ARHGAP8: variants seen among roughly 807,000 people sequenced by gnomAD.
ARHGAP8 encodes rho GTPase-activating protein 8.
ARHGAP8 carries 62 observed loss-of-function variants against 46.1 expected under a neutral mutation model. The observed-to-expected ratio is 1.34, with a 90% CI of 1.10 to 1.66. The LOEUF is 1.66. Among genes scored for constraint, ARHGAP8 ranks in the 40% most tolerant of loss-of-function variants. The pLI is 0.00. For synonymous variants in ARHGAP8, 375 were observed against 243.1 expected, an observed-to-expected ratio of 1.54 and a Z score of -5.05; for missense variants, 923 against 568.4, an observed-to-expected ratio of 1.62 and a Z score of -6.34.
chr22:44,785,326 A>G (rs1000781581), intron 1 of ARHGAP8, among the ~76,000 whole-genome samples: 1 of 152,146 alleles, frequency 6.6e-6, no homozygotes, highest in East Asian at 1.9e-4. Context: ...TTAAGACAAC[A>G]GGTCACTGTC....
intron 3 of ARHGAP8, 66 bp from the exon 4 acceptor site, chr22:44,808,241 A>G: frequency 6.4e-7 from 1 of 1,568,148 alleles, no homozygotes; most frequent in Non-Finnish European, 8.7e-7. Context: ...CATTATAGGG[A>G]AAGCACGTTT....
At chr22:44,838,741 G>A (rs917206200) in intron 7 of ARHGAP8, among the ~76,000 whole-genome samples, 1 of 152,160 alleles carries the variant, frequency 6.6e-6, no homozygotes. Context: ...ATGGATGCAG[G>A]CTCTCCAGCT....
chr22:44,803,953 G>A (rs1928760373), intron 3 of ARHGAP8, among the ~76,000 whole-genome samples: 1 of 151,788 alleles, frequency 6.6e-6, no homozygotes, highest in Non-Finnish European at 1.5e-5. Context: ...TTAGATGGCT[G>A]TCACATGACC....
Position 44,848,109 on chromosome 22 carries a change from G to C in ARHGAP8, c.748+59G>C, listed in dbSNP as rs940627273. 6.9e-6 allele frequency: 11 copies of C among 1,591,768 alleles called. 1 individual carries two copies. The highest frequency in any genetic ancestry group is 1.7e-4 in the Middle Eastern group (1 of 6,034). On this transcript the variant is annotated intron_variant, in intron 9 of 11. Transcript: ENST00000356099. ...GCCTGGTCAGCGAGCACAGCGCTCC[G>C]GGGCCTCAGAGCGGAGGCAGGGAAG...
chr22:44,856,474 G>A (rs372035279), intron 10 of ARHGAP8, among the ~76,000 whole-genome samples: 8 of 151,900 alleles, frequency 5.3e-5, no homozygotes, highest in South Asian at 2.1e-4. Flanking sequence ...GGGTTTCACC[G>A]TGTTGGCCAG....
chr22:44,767,984 CTTTTTTTTTT>C (rs1167255172), intron 1 of ARHGAP8, among the ~76,000 whole-genome samples: 13 of 47,248 alleles, frequency 2.8e-4, no homozygotes, highest in African/African-American at 4.4e-4. Flanking sequence ...CGCATGATGT[CTTTTTTTTTT>C]TTTTTTTTTT....
intron 10 of ARHGAP8, among the ~76,000 whole-genome samples, chr22:44,857,229 C>G (rs2070252068): frequency 6.6e-6 from 1 of 151,796 alleles, no homozygotes; most frequent in Admixed American, 6.6e-5. Context: ...TGTGAGCCAC[C>G]ACGACCAGTC....
At chr22:44,860,059 C>A (rs1489097177) in intron 11 of ARHGAP8, among the ~76,000 whole-genome samples, 2 of 151,806 alleles carry the variant, frequency 1.3e-5, no homozygotes, top group African/African-American at 2.4e-5. Context: ...CCCCTGCCTG[C>A]TCCTGTACCT....
At chr22:44,775,360 G>C (rs186360033) in intron 1 of ARHGAP8, among the ~76,000 whole-genome samples, 9 of 152,288 alleles carry the variant, frequency 5.9e-5, no homozygotes, top group Admixed American at 5.2e-4. Context: ...CGGCCTCCTG[G>C]GTGGTAGCTT....
chr22:44,765,579 C>G (rs768890663), intron 1 of ARHGAP8, among the ~76,000 whole-genome samples: 10 of 152,258 alleles, frequency 6.6e-5, no homozygotes, highest in Non-Finnish European at 1.3e-4. Flanking sequence ...CTGTCCCCGG[C>G]TGGAAGCTGC....
chr22:44,849,839 A>C (rs2070050851), intron 10 of ARHGAP8: 1 of 152,212 alleles, frequency 6.6e-6, no homozygotes, highest in Admixed American at 6.5e-5. Flanking sequence ...GTATTCAAGA[A>C]TCACATTTGC....
chr22:44,846,668 C>T (rs941194457), intron 8 of ARHGAP8, among the ~76,000 whole-genome samples: 2 of 152,146 alleles, frequency 1.3e-5, no homozygotes, highest in Non-Finnish European at 2.9e-5. Flanking sequence ...CAATTCTGCC[C>T]CTCTCCCAGG....
intron 1 of ARHGAP8, among the ~76,000 whole-genome samples, chr22:44,771,337 C>T (rs1410280161): frequency 1.4e-5 from 2 of 146,904 alleles, no homozygotes; most frequent in Admixed American, 7.0e-5. Flanking sequence ...ACCTCTGGCT[C>T]CCTGGTTCAA....
intron 9 of ARHGAP8, among the ~76,000 whole-genome samples, chr22:44,848,513 G>C (rs1011203801): frequency 1.3e-5 from 2 of 152,230 alleles, no homozygotes; most frequent in Non-Finnish European, 2.9e-5. Context: ...ACTTGCCCTC[G>C]CTCCCACTCG....
intron 7 of ARHGAP8, among the ~76,000 whole-genome samples, chr22:44,832,058 T>G (rs928919396): frequency 6.6e-6 from 1 of 152,192 alleles, no homozygotes; most frequent in African/African-American, 2.4e-5. Context: ...GGTATTGCCA[T>G]CTTGAAAATA....
intron 7 of ARHGAP8, among the ~76,000 whole-genome samples, chr22:44,843,880 G>A (rs1024821011): frequency 2.6e-5 from 4 of 151,002 alleles, no homozygotes; most frequent in Non-Finnish European, 5.9e-5. Context: ...AAGTAGAATG[G>A]TATAATATCA....
chr22:44,801,224 A>G (rs1348826422), intron 2 of ARHGAP8, among the ~76,000 whole-genome samples: 3 of 89,188 alleles, frequency 3.4e-5, no homozygotes, highest in Admixed American at 1.2e-4. Context: ...CTCTCCCCGC[A>G]GCTGTCCATG....
intron 10 of ARHGAP8, among the ~76,000 whole-genome samples, chr22:44,858,401 C>G (rs961968597): frequency 1.4e-5 from 2 of 147,760 alleles, no homozygotes; most frequent in South Asian, 2.1e-4. Flanking sequence ...GAGTTTCACT[C>G]TTGTTGCCCA....
chr22:44,838,317 TAGTAGAGAC>T (rs750349652), intron 7 of ARHGAP8, among the ~76,000 whole-genome samples: 2 of 152,182 alleles, frequency 1.3e-5, no homozygotes, highest in Admixed American at 1.3e-4. Flanking sequence ...TTTGCATTTT[TAGTAGAGAC>T]AGGGTTTCAC....
Sources: allele counts gnomAD v4.1 joint callset (sites outside exome capture counted in the v4.1 genomes callset), GRCh38; gene constraint gnomAD v4.1.1; transcripts MANE v1.5; gene names NCBI Gene and HGNC (gene_info 2026-07-23, HGNC 2026-07-21).